UTS2B: variants seen among roughly 807,000 people sequenced by gnomAD.
UTS2B encodes the protein urotensin-2B.
In UTS2B, 21 loss-of-function variants were observed where a neutral mutation model predicts 19.2. The ratio of observed to expected loss-of-function variants is 1.09; its 90% CI spans 0.78 to 1.58. The LOEUF (loss-of-function observed/expected upper bound fraction) is 1.58. Ranked by LOEUF, UTS2B falls within the 40% of genes most tolerant of loss-of-function variation. The probability of loss-of-function intolerance (pLI) is 0.00; values close to 1 mark genes in which losing one functional copy is unlikely to be tolerated. For synonymous variants in UTS2B, 57 were observed against 50.2 expected, an observed-to-expected ratio of 1.14 and a Z score of -0.58; for missense variants, 138 against 130.3, an observed-to-expected ratio of 1.06 and a Z score of -0.29.
chr3:191,275,481 C>T (rs942808088), intron 7 of UTS2B, 136 bp from the exon 8 acceptor site: 35 of 636,828 alleles, frequency 5.5e-5, no homozygotes, highest in Non-Finnish European at 8.1e-5. Flanking sequence ...GCGATCAAGA[C>T]CATCCTGGCT....
chr3:191,273,857 C>A (rs1341137554), intron 8 of UTS2B, among the ~76,000 whole-genome samples: 1 of 152,212 alleles, frequency 6.6e-6, no homozygotes, highest in Non-Finnish European at 1.5e-5. Flanking sequence ...ATGTGTAATT[C>A]TCCAGCACAT....
At chr3:191,280,828 G>A (rs1487081630) in intron 5 of UTS2B, among the ~76,000 whole-genome samples, 4 of 151,990 alleles carry the variant, frequency 2.6e-5, no homozygotes, top group Admixed American at 1.3e-4. Flanking sequence ...TTCACATTAC[G>A]TTAGAAACAT....
intron 4 of UTS2B, among the ~76,000 whole-genome samples, chr3:191,297,058 TTTTC>T (rs1238056818): frequency 6.6e-6 from 1 of 152,136 alleles, no homozygotes; most frequent in Non-Finnish European, 1.5e-5. Flanking sequence ...AAAAAAAACC[TTTTC>T]TTTAAATGAG....
At position 191,309,911 on chromosome 3, in the gene UTS2B, A is replaced by G. The variant is rs556090304; in HGVS notation, c.-181-5363T>C. Among the ~76,000 whole-genome samples the G allele has an allele frequency of 1.1e-4, 17 of 151,560 alleles. No individual in the cohort carries two copies. The East Asian group carries it at 3.1e-3, about 28-fold the overall frequency. On this transcript the variant is annotated intron_variant, in intron 3 of 8. Coordinates refer to ENST00000340524, the MANE Select transcript of UTS2B (RefSeq NM_198152.5). ...TGAGCCAATTAAACCTCTTTTCTTC[A>G]TAAAATTATCCAGTCTTGAGAATTT...
intron 4 of UTS2B, among the ~76,000 whole-genome samples, chr3:191,300,356 C>T (rs1055276235): frequency 1.3e-5 from 2 of 152,210 alleles, no homozygotes; most frequent in African/African-American, 4.8e-5. Context: ...CCTGTAGCCC[C>T]TTTCTTTTGG....
chr3:191,282,373 G>A (rs1716415935), intron 4 of UTS2B, 60 bp from the exon 5 acceptor site: 2 of 529,090 alleles, frequency 3.8e-6, no homozygotes, highest in South Asian at 5.5e-5. Context: ...CAATCAAGTA[G>A]TTAACATGAT....
At chr3:191,331,884 A>G (rs556871999), upstream of UTS2B, among the ~76,000 whole-genome samples, 8 of 152,308 alleles carry the variant, frequency 5.3e-5, no homozygotes, top group African/African-American at 1.9e-4. Context: ...TGAAACTCCA[A>G]CTTCATTTGA....
At chr3:191,283,954 G>T (rs1345374974) in intron 4 of UTS2B, among the ~76,000 whole-genome samples, 1 of 151,956 alleles carries the variant, frequency 6.6e-6, no homozygotes, top group Non-Finnish European at 1.5e-5. Context: ...TATCAAGATG[G>T]AAAATAGGAA....
chr3:191,276,231 T>C (rs941110141), intron 7 of UTS2B, among the ~76,000 whole-genome samples: 3 of 152,162 alleles, frequency 2.0e-5, no homozygotes, highest in Non-Finnish European at 4.4e-5. Flanking sequence ...TATCTCCATG[T>C]TGGTGCTACT....
chr3:191,297,139 T>C (rs1435066), intron 4 of UTS2B, among the ~76,000 whole-genome samples: 99,778 of 151,932 alleles, frequency 0.66, 32,746 homozygotes, highest in African/African-American at 0.67. Context: ...GTCTTTTGGA[T>C]TTGAACTGTG....
upstream of UTS2B, among the ~76,000 whole-genome samples, chr3:191,332,187 G>A (rs1317440603): frequency 6.6e-6 from 1 of 152,128 alleles, no homozygotes; most frequent in Non-Finnish European, 1.5e-5. Context: ...CTGACATTAG[G>A]GTAAGGGGAT....
At chr3:191,279,841 A>C (rs1716335892) in intron 5 of UTS2B, among the ~76,000 whole-genome samples, 1 of 152,128 alleles carries the variant, frequency 6.6e-6, no homozygotes, top group Non-Finnish European at 1.5e-5. Flanking sequence ...TATTGGCTAA[A>C]AAAAAGCAAT....
At chr3:191,280,945 T>C (rs985416708) in intron 5 of UTS2B, among the ~76,000 whole-genome samples, 1 of 152,178 alleles carries the variant, frequency 6.6e-6, no homozygotes, top group Non-Finnish European at 1.5e-5. Context: ...TCCAGAATCT[T>C]TGATTCCCAG....
chr3:191,275,273 A>G lies in UTS2B; in HGVS notation c.313T>C (p.Ser105Pro). The change falls in exon 8 of 9, where the codon TCT (serine) becomes CCT (proline). Residue 105 changes from serine to proline, a missense_variant. Transcript: ENST00000340524. ...TTACCTCGTTTGCTAGGATGAGAAG[A>G]GAATAGACCATCTACAGCATAGGAC... ...ETSYAVDGLF[S>P]SHPSKRACFW... The G allele has an allele frequency of 6.2e-7, 1 of 1,612,202 alleles. No individual in the cohort carries two copies. Among genetic ancestry groups the G allele is most frequent in the African/African-American group, 1.3e-5 (1 of 74,996 alleles).
At chr3:191,290,669 A>G (rs532032205) in intron 4 of UTS2B, among the ~76,000 whole-genome samples, 16 of 152,234 alleles carry the variant, frequency 1.1e-4, no homozygotes, top group Non-Finnish European at 2.2e-4. Context: ...TGTATTTTCA[A>G]TAGCAATACT....
chr3:191,282,078 T>C lies in UTS2B; in HGVS notation c.103+9A>G, dbSNP rs767613225. On this transcript the variant is annotated intron_variant, in intron 5 of 8. Coordinates refer to ENST00000340524, the MANE Select transcript of UTS2B (RefSeq NM_198152.5). ...CCACCTGTAGGATTTTTAATTGATA[T>C]GCACGTACCTTGGGTAAGATATGGT... is the stretch of plus-strand genomic sequence containing the variant. 1.3e-5 allele frequency: 21 copies of C among 1,580,112 alleles called. No homozygotes were observed. Among genetic ancestry groups the C allele is most frequent in the Middle Eastern group, 1.7e-4 (1 of 6,020 alleles).
At position 191,282,074 on chromosome 3, in the gene UTS2B, G is replaced by T. The variant is rs774466672; in HGVS notation, c.103+13C>A. ...TTACCCACCTGTAGGATTTTTAATT[G>T]ATATGCACGTACCTTGGGTAAGATA... On this transcript the variant is annotated intron_variant, in intron 5 of 8. Transcript: ENST00000340524. 1 of 1,560,430 alleles carries T rather than the reference G, an allele frequency of 6.4e-7. No homozygotes were observed. The highest frequency in any genetic ancestry group is 8.8e-7 in the Non-Finnish European group (1 of 1,136,838).
At chr3:191,275,401 C>T (rs1025724240) in intron 7 of UTS2B, 56 bp from the exon 8 acceptor site, 6 of 1,462,480 alleles carry the variant, frequency 4.1e-6, no homozygotes, top group Middle Eastern at 1.7e-4. Flanking sequence ...ATGCTGTTGA[C>T]CGGGCGCGGT....
At chr3:191,294,063 G>A (rs1037969245) in intron 4 of UTS2B, among the ~76,000 whole-genome samples, 1 of 151,622 alleles carries the variant, frequency 6.6e-6, no homozygotes, top group Non-Finnish European at 1.5e-5. Flanking sequence ...AGCCAAGATC[G>A]CGCCATTGCA....
Sources: gnomAD v4.1 joint callset for allele counts (sites outside exome capture counted in the v4.1 genomes callset) on GRCh38, gnomAD v4.1.1 for gene constraint, MANE v1.5 for transcripts, NCBI Gene and HGNC (gene_info 2026-07-23, HGNC 2026-07-21) for gene names.